STK17B: variants seen among roughly 807,000 people sequenced by gnomAD.
STK17B encodes the protein serine/threonine kinase 17b.
In STK17B, 21 loss-of-function variants were observed where a neutral mutation model predicts 42.0. The ratio of observed to expected loss-of-function variants is 0.50; its 90% CI spans 0.35 to 0.72. The LOEUF is 0.72. Among genes scored for constraint, STK17B ranks in the 30% least tolerant of loss-of-function variants. The pLI is 0.00. For synonymous variants in STK17B, 143 were observed against 148.4 expected, an observed-to-expected ratio of 0.96 and a Z score of 0.26; for missense variants, 349 against 446.0, an observed-to-expected ratio of 0.78 and a Z score of 1.96.
At chr2:196,159,433 C>T (rs1048606181) in intron 2 of STK17B, among the ~76,000 whole-genome samples, 5 of 151,974 alleles carry the variant, frequency 3.3e-5, no homozygotes, top group African/African-American at 1.2e-4. Flanking sequence ...ACTTCAGCCT[C>T]CTGTGTAGCT....
At position 196,159,878 on chromosome 2, in the gene STK17B, C is replaced by T. The variant is rs185184004; in HGVS notation, c.123-3227G>A. Among the ~76,000 whole-genome samples the T allele has an allele frequency of 4.1e-5, 6 of 146,336 alleles. No homozygotes were observed. The East Asian group carries it at 1.2e-3, about 28-fold the overall frequency. On this transcript the variant is annotated intron_variant, in intron 2 of 7. Transcript: ENST00000263955. ...ATACTGTGCTATTCTGTATCCTGTA[C>T]TTAAAGTGTTTGTATTTCTTAAAAG...
upstream of STK17B, among the ~76,000 whole-genome samples, chr2:196,175,344 C>T (rs550292813): frequency 1.3e-5 from 2 of 152,256 alleles, no homozygotes; most frequent in East Asian, 1.9e-4. Context: ...AAGTTTTTCA[C>T]GCCAGGTGTG....
intron 2 of STK17B, among the ~76,000 whole-genome samples, chr2:196,157,525 T>C (rs962836102): frequency 2.0e-5 from 3 of 152,342 alleles, no homozygotes; most frequent in South Asian, 2.1e-4. Flanking sequence ...CAATTGTCAA[T>C]TGTTTTAGCA....
chr2:196,154,202 C>G (rs572833596), intron 3 of STK17B: 1 of 151,030 alleles, frequency 6.6e-6, no homozygotes, highest in Non-Finnish European at 1.5e-5. Context: ...CCACTGCACT[C>G]GAGCCTGGTG....
intron 2 of STK17B, among the ~76,000 whole-genome samples, chr2:196,160,956 T>C (rs1699803480): frequency 6.6e-6 from 1 of 152,150 alleles, no homozygotes. Flanking sequence ...AAAGCAAAAA[T>C]ACTTTATAGA....
chr2:196,158,638 GGA>G (rs1699771147), intron 2 of STK17B, among the ~76,000 whole-genome samples: 1 of 151,610 alleles, frequency 6.6e-6, no homozygotes, highest in Non-Finnish European at 1.5e-5. Flanking sequence ...AAATGGAATC[GGA>G]GCCTCAAGAA....
chr2:196,138,401 T>G (rs866046787), intron 7 of STK17B, among the ~76,000 whole-genome samples: 13 of 152,228 alleles, frequency 8.5e-5, no homozygotes, highest in African/African-American at 3.1e-4. Context: ...TTTAACCAGA[T>G]GCCCATTGAA....
rs1278756250 is a variant in STK17B at position 196,136,011 on chromosome 2, ATAGT to A, written c.*1432_*1435del. 3.3e-5 allele frequency: 5 copies of A among 152,100 alleles called. No individual in the cohort carries two copies. The highest frequency in any genetic ancestry group is 1.2e-4 in the African/African-American group (5 of 41,392). The allele number at this position is 152,100 out of a possible 1,614,324, so 9.4% of individuals were successfully genotyped here. A position where few individuals can be genotyped will look rare whatever the true frequency, so the allele number is the denominator to read the frequency against. On this transcript the variant is annotated 3_prime_UTR_variant, in exon 8 of 8. Transcript: ENST00000263955. ...CCATGTGGTCAAATAAAGTGACCTGATAGTTATTCAAAAAGTTTTAAGTTATTAT... is the reference window on the plus strand; with the variant it reads ...CCATGTGGTCAAATAAAGTGACCTGATATTCAAAAAGTTTTAAGTTATTAT...
chr2:196,145,854 T>C (rs997115539), intron 4 of STK17B, 57 bp downstream of exon 4: 2 of 1,483,964 alleles, frequency 1.3e-6, no homozygotes. Context: ...CAACTGTGCA[T>C]ACTAAGAGCA....
At chr2:196,161,508 ATTC>A (rs1699811674) in intron 2 of STK17B, among the ~76,000 whole-genome samples, 3 of 89,134 alleles carry the variant, frequency 3.4e-5, no homozygotes, top group Non-Finnish European at 4.6e-5. Context: ...AGATATTATA[ATTC>A]TTTTTTTTTT....
Position 196,139,666 on chromosome 2 carries a change from G to C in STK17B, c.790C>G (p.Gln264Glu). The C allele has an allele frequency of 6.8e-7, 1 of 1,465,990 alleles. No individual in the cohort carries two copies. Among genetic ancestry groups the C allele is most frequent in the Non-Finnish European group, 9.0e-7 (1 of 1,105,092 alleles). The allele number at this position is 1,465,990 out of a possible 1,614,324, so 90.8% of individuals were successfully genotyped here. ...CTCTGAATAAAGTCTGTGGCCAGCTGTGAAACTGATGAAAAAGTTTCTTCC... is the reference window on the plus strand; with the variant it reads ...CTCTGAATAAAGTCTGTGGCCAGCTCTGAAACTGATGAAAAAGTTTCTTCC... ...YSEETFSSVS[Q>E]LATDFIQSLL... Residue 264 changes from glutamine (Q) to glutamate (E), a missense_variant, in exon 7 of 8, where the codon CAG (glutamine) becomes GAG (glutamate). By Grantham distance (29) the Gln-to-Glu change is conservative. Transcript: ENST00000263955.
At chr2:196,154,558 T>G (rs1699713639) in intron 3 of STK17B, 1 of 152,264 alleles carries the variant, frequency 6.6e-6, no homozygotes, top group Admixed American at 6.5e-5. Flanking sequence ...AGTATAAGGA[T>G]GTTAATTGTA....
At chr2:196,170,403 A>T (rs1349785878) in intron 1 of STK17B, among the ~76,000 whole-genome samples, 2 of 152,240 alleles carry the variant, frequency 1.3e-5, no homozygotes, top group African/African-American at 4.8e-5. Flanking sequence ...TGAATGTGAT[A>T]CACAGTCCTC....
chr2:196,141,657 G>A (rs781283256), intron 5 of STK17B, among the ~76,000 whole-genome samples: 1 of 151,898 alleles, frequency 6.6e-6, no homozygotes, highest in African/African-American at 2.4e-5. Flanking sequence ...ACTCTGTCTC[G>A]GAAAAAATAA....
At chr2:196,166,471 A>G (rs1218457099) in intron 1 of STK17B, among the ~76,000 whole-genome samples, 2 of 152,176 alleles carry the variant, frequency 1.3e-5, no homozygotes, top group African/African-American at 4.8e-5. Context: ...ATAACATTTT[A>G]TCAGGTTATA....
chr2:196,153,543 C>T (rs1699696372), intron 3 of STK17B: 1 of 151,394 alleles, frequency 6.6e-6, no homozygotes. Context: ...AACGATGCTC[C>T]GTTAAAAGTG....
At chr2:196,142,648 A>G (rs1699509981) in intron 5 of STK17B, among the ~76,000 whole-genome samples, 1 of 152,254 alleles carries the variant, frequency 6.6e-6, no homozygotes, top group Non-Finnish European at 1.5e-5. Context: ...AATCATATAC[A>G]GTCAGCTTCT....
intron 3 of STK17B, chr2:196,151,182 G>C (rs556335292): frequency 2.6e-5 from 4 of 152,098 alleles, no homozygotes; most frequent in Non-Finnish European, 4.4e-5. Context: ...TCTGATGAAT[G>C]TAAGTTCCCC....
At chr2:196,138,479 T>G (rs1699440896) in intron 7 of STK17B, among the ~76,000 whole-genome samples, 1 of 152,214 alleles carries the variant, frequency 6.6e-6, no homozygotes, top group Non-Finnish European at 1.5e-5. Context: ...TGGGATCTTC[T>G]CTAATTATGT....
Sources: gnomAD v4.1 joint callset for allele counts (sites outside exome capture counted in the v4.1 genomes callset) on GRCh38, gnomAD v4.1.1 for gene constraint, MANE v1.5 for transcripts, NCBI Gene and HGNC (gene_info 2026-07-23, HGNC 2026-07-21) for gene names.